The following ESRP1 variants were observed in gnomAD, a reference collection of about 807,000 sequenced individuals.
ESRP1 encodes the protein epithelial splicing regulatory protein 1.
A neutral mutation model predicts 81.7 loss-of-function variants in ESRP1; 33 were observed. The ratio of observed to expected loss-of-function variants is 0.40; its 90% CI spans 0.31 to 0.54. The LOEUF is 0.54. Ranked by LOEUF, ESRP1 falls within the 20% of genes least tolerant of loss-of-function variation. The probability of loss-of-function intolerance (pLI) is 0.41; values close to 1 mark genes in which losing one functional copy is unlikely to be tolerated. For missense variants in ESRP1, 672 were observed against 833.1 expected (o/e 0.81, Z 2.38); for synonymous variants, 320 against 303.3 (o/e 1.06, Z -0.57).
chr8:94,664,659 C>A, intron 6 of ESRP1, 38 bp from the exon 7 acceptor site: 1 of 1,489,286 alleles, frequency 6.7e-7, no homozygotes. Context: ...GACTTGCTAG[C>A]ATTTATCATG....
At chr8:94,689,164 T>C (rs1809267137) in intron 13 of ESRP1, among the ~76,000 whole-genome samples, 1 of 150,750 alleles carries the variant, frequency 6.6e-6, no homozygotes, top group Non-Finnish European at 1.5e-5. Flanking sequence ...GGCACGAGAA[T>C]TGCTTGAATC....
intron 10 of ESRP1, among the ~76,000 whole-genome samples, chr8:94,668,963 T>C (rs1819166828): frequency 6.6e-6 from 1 of 152,118 alleles, no homozygotes; most frequent in African/African-American, 2.4e-5. Flanking sequence ...CAGCTAAGTT[T>C]TGAATTTTTA....
chr8:94,688,054 A>T (rs928264833), intron 13 of ESRP1, among the ~76,000 whole-genome samples: 2 of 152,074 alleles, frequency 1.3e-5, no homozygotes, highest in Admixed American at 1.3e-4. Flanking sequence ...CATTTTTTGT[A>T]TGGTGTGAGG....
At chr8:94,665,927 T>G (rs1818995309) in intron 9 of ESRP1, among the ~76,000 whole-genome samples, 1 of 152,240 alleles carries the variant, frequency 6.6e-6, no homozygotes, top group African/African-American at 2.4e-5. Flanking sequence ...ATGGTAGTTT[T>G]GGGTCTCGTA....
At chr8:94,641,658 C>A in intron 1 of ESRP1, 1 of 770,848 alleles carries the variant, frequency 1.3e-6, no homozygotes, top group Non-Finnish European at 2.0e-6. Flanking sequence ...CAACTTAGCT[C>A]AGGTGGAGAG....
Position 94,642,214 on chromosome 8 carries a change from G to C in ESRP1, c.261+130G>C, listed in dbSNP as rs1484043076. 6 of 1,178,928 alleles carry C rather than the reference G, an allele frequency of 5.1e-6. No individual in the cohort carries two copies. In the African/African-American group the frequency reaches 6.2e-5, roughly 12 times the overall value. 73.0% of individuals were successfully genotyped at this position (1,178,928 alleles called of 1,614,324 possible). On this transcript the variant is annotated intron_variant, in intron 2 of 15. Coordinates refer to ENST00000433389, the MANE Select transcript of ESRP1 (RefSeq NM_017697.4). ...GACGCCTGCCCGGCCGCGTGGGTGG[G>C]AGCCCAGCCTGAGGGCCGGGGCGCA... is the stretch of plus-strand genomic sequence containing the variant.
chr8:94,642,386 T>C (rs1344448404), intron 2 of ESRP1, among the ~76,000 whole-genome samples: 5 of 152,218 alleles, frequency 3.3e-5, no homozygotes, highest in African/African-American at 4.8e-5. Context: ...GTGCGGAGTT[T>C]GAATCCTAGC....
At position 94,643,435 on chromosome 8, in the gene ESRP1, G is replaced by T. The variant is rs1377057429; in HGVS notation, c.375+19G>T. 6.4e-7 allele frequency: 1 copy of T among 1,564,842 alleles called. No homozygotes were observed. Among genetic ancestry groups the T allele is most frequent in the Non-Finnish European group, 8.8e-7 (1 of 1,138,464 alleles). Reference sequence around the variant, plus strand: ...CAAGAAGGTAAGAGTGCTGGCTTCTGGGAAAAAAATGGTTGGAGCTTTGGG... The same window carrying T: ...CAAGAAGGTAAGAGTGCTGGCTTCTTGGAAAAAAATGGTTGGAGCTTTGGG... On this transcript the variant is annotated intron_variant, in intron 3 of 15. Transcript: ENST00000433389.
At chr8:94,695,336 TTC>T (rs1437036184) in intron 14 of ESRP1, among the ~76,000 whole-genome samples, 3 of 123,442 alleles carry the variant, frequency 2.4e-5, no homozygotes, top group Non-Finnish European at 3.2e-5. Flanking sequence ...TAAATAAAAT[TTC>T]TTTTTCTTTC....
intron 10 of ESRP1, among the ~76,000 whole-genome samples, chr8:94,668,789 A>ATGTGTGTGTGTGTG (rs71303426): frequency 9.4e-4 from 135 of 143,686 alleles, no homozygotes; most frequent in East Asian, 2.3e-3. Flanking sequence ...AGCTTTCAGC[A>ATGTGTGTGTGTGTG]TGTGTGTGTG....
chr8:94,703,178 CAG>C (rs2130745167), intron 15 of ESRP1, among the ~76,000 whole-genome samples: 1 of 142,154 alleles, frequency 7.0e-6, no homozygotes, highest in Non-Finnish European at 1.5e-5. Context: ...GTTGTTGAGA[CAG>C]AGTCTTGCTC....
intron 13 of ESRP1, among the ~76,000 whole-genome samples, chr8:94,685,156 T>C (rs1290659117): frequency 1.3e-5 from 2 of 152,206 alleles, no homozygotes; most frequent in African/African-American, 4.8e-5. Flanking sequence ...CCAATGTTTG[T>C]ATTTTGTGAT....
intron 4 of ESRP1, among the ~76,000 whole-genome samples, chr8:94,650,424 A>AT (rs1230023235): frequency 6.6e-6 from 1 of 152,188 alleles, no homozygotes; most frequent in Non-Finnish European, 1.5e-5. Flanking sequence ...CCAGGAGGTC[A>AT]TATAGTTGGA....
chr8:94,648,154 G>A (rs1348010313), intron 4 of ESRP1, among the ~76,000 whole-genome samples: 1 of 152,164 alleles, frequency 6.6e-6, no homozygotes, highest in Non-Finnish European at 1.5e-5. Flanking sequence ...CTACTTAGGA[G>A]GCTGAGGTGC....
At chr8:94,667,846 A>C in intron 9 of ESRP1, 103 bp from the exon 10 acceptor site, 1 of 987,196 alleles carries the variant, frequency 1.0e-6, no homozygotes, top group Non-Finnish European at 1.5e-6. Flanking sequence ...ATGGGTCTTC[A>C]TTATGAACTC....
intron 13 of ESRP1, among the ~76,000 whole-genome samples, chr8:94,689,490 C>A (rs546597689): frequency 1.3e-5 from 2 of 151,750 alleles, no homozygotes; most frequent in South Asian, 4.2e-4. Flanking sequence ...CTTATGTAAC[C>A]TTGCTGAACT....
At chr8:94,685,946 C>T (rs916527883) in intron 13 of ESRP1, among the ~76,000 whole-genome samples, 5 of 151,958 alleles carry the variant, frequency 3.3e-5, no homozygotes, top group Non-Finnish European at 7.4e-5. Context: ...AACTTAATAC[C>T]TATATATGTT....
In ESRP1 at chr8:94,678,261, T is replaced by C. The variant is rs747671105; in HGVS notation, c.1710T>C (p.Ala570=). Residue 570 remains alanine (A), a synonymous_variant, in exon 13 of 16, where the codon GCT becomes GCC. Transcript: ENST00000433389. ...CTGCTGCAGTTATTCCTACAGAAGC[T>C]GCCATTTACCAGCCCTCTGTGATTT... ...PAPAAVIPTE[A]AIYQPSVILN... The C allele has an allele frequency of 1.2e-6, 2 of 1,614,028 alleles. No individual in the cohort carries two copies. The highest frequency in any genetic ancestry group is 1.7e-6 in the Non-Finnish European group (2 of 1,179,902).
Position 94,641,299 on chromosome 8 carries a change from C to G in ESRP1, c.-20C>G. On this transcript the variant is annotated 5_prime_UTR_variant, in exon 1 of 16. Transcript: ENST00000433389. ...CTTACCGCCTCCCGACCCCCCCTCT[C>G]CCCCTCCCCACCTATCGTCATGACG... is the stretch of plus-strand genomic sequence containing the variant. 6.5e-7 allele frequency: 1 copy of G among 1,539,176 alleles called. No individual in the cohort carries two copies. Among genetic ancestry groups the G allele is most frequent in the Non-Finnish European group, 8.9e-7 (1 of 1,117,600 alleles).
Sources: gnomAD v4.1 joint callset for allele counts (sites outside exome capture counted in the v4.1 genomes callset) on GRCh38, gnomAD v4.1.1 for gene constraint, MANE v1.5 for transcripts, NCBI Gene and HGNC (gene_info 2026-07-23, HGNC 2026-07-21) for gene names.